KAT6A: variants seen among roughly 807,000 people sequenced by gnomAD.
The protein encoded by KAT6A is histone acetyltransferase KAT6A.
A neutral mutation model predicts 198.4 loss-of-function variants in KAT6A; 9 were observed. That is an observed-to-expected ratio of 0.05 (90% CI 0.03 to 0.08). The LOEUF is 0.08. Among genes scored for constraint, KAT6A ranks in the 10% least tolerant of loss-of-function variants. The pLI, the probability that KAT6A is intolerant of heterozygous loss-of-function variation, is 1.00. For synonymous variants in KAT6A, 890 were observed against 883.0 expected, an observed-to-expected ratio of 1.01 and a Z score of -0.14; for missense variants, 2,077 against 2,509.9, an observed-to-expected ratio of 0.83 and a Z score of 3.69.
At position 41,934,552 on chromosome 8, in the gene KAT6A, C is replaced by T; in HGVS notation, c.3668G>A (p.Arg1223Lys). ...TGCTTGCATCTCCTCCTCCTCCTTC[C>T]TCTCCTCGGGTAGGGGCATGTCTTC... ...PKEDMPLPEE[R>K]KEEEEMQAEA... Residue 1223 changes from arginine to lysine, a missense_variant, in exon 17 of 17, where the codon AGG (arginine) becomes AAG (lysine). Arg to Lys is a conservative substitution (Grantham distance 26). Around this residue, in one of 13 missense-constraint regions of KAT6A, gnomAD observed 375 missense variants for 383.0 expected, o/e 0.98. Coordinates refer to ENST00000265713, the MANE Select transcript of KAT6A (RefSeq NM_006766.5). 6.2e-7 allele frequency: 1 copy of T among 1,614,040 alleles called. No homozygotes were observed. The highest frequency in any genetic ancestry group is 8.5e-7 in the Non-Finnish European group (1 of 1,180,014).
intron 2 of KAT6A, among the ~76,000 whole-genome samples, chr8:41,990,269 G>GGACT (rs1387316122): frequency 6.6e-6 from 1 of 152,094 alleles, no homozygotes; most frequent in African/African-American, 2.4e-5. Flanking sequence ...GAGCAAAGAA[G>GGACT]GACTGTATTA....
intron 7 of KAT6A, 31 bp downstream of exon 7, chr8:41,976,977 A>G (rs775042713): frequency 2.0e-6 from 3 of 1,502,898 alleles, no homozygotes; most frequent in African/African-American, 2.8e-5. Context: ...ACAGAATACT[A>G]TTTGTTTCTA....
rs371326997 is a variant in KAT6A, at chr8:41,932,496, G to A, written c.5724C>T (p.Ala1908=). 1.2e-6 allele frequency: 2 copies of A among 1,614,246 alleles called. No individual in the cohort carries two copies. Among genetic ancestry groups the A allele is most frequent in the Non-Finnish European group, 1.7e-6 (2 of 1,180,038 alleles). The change falls in exon 17 of 17, where the codon GCC becomes GCT. Residue 1908 remains alanine (A), a synonymous_variant. Transcript: ENST00000265713. The part of the protein sequence containing the change: ...NMGVNLMPTP[A]YNVNSMNMNT... ...TCATATTCATGGAATTGACATTATA[G>A]GCGGGAGTAGGCATCAGATTAACCC... is the stretch of plus-strand genomic sequence containing the variant.
chr8:41,976,973 T>C, intron 7 of KAT6A, 35 bp downstream of exon 7: 4 of 1,473,406 alleles, frequency 2.7e-6, no homozygotes, highest in Non-Finnish European at 3.7e-6. Flanking sequence ...ATGTACAGAA[T>C]ACTATTTGTT....
intron 2 of KAT6A, among the ~76,000 whole-genome samples, chr8:42,032,691 G>T (rs539672377): frequency 9.9e-5 from 15 of 151,982 alleles, no homozygotes; most frequent in Non-Finnish European, 2.1e-4. Flanking sequence ...CGAATGCCAC[G>T]TTACTCTTAC....
chr8:42,015,574 G>A (rs1481335744), intron 2 of KAT6A, among the ~76,000 whole-genome samples: 2 of 152,072 alleles, frequency 1.3e-5, no homozygotes, highest in South Asian at 2.1e-4. Flanking sequence ...CTATACAGTC[G>A]TATAAATTTC....
intron 8 of KAT6A, among the ~76,000 whole-genome samples, chr8:41,956,009 T>C (rs943657856): frequency 6.6e-5 from 10 of 152,206 alleles, no homozygotes; most frequent in Non-Finnish European, 2.9e-5. Context: ...AGAAAGACAC[T>C]CTGTTATATA....
intron 2 of KAT6A, among the ~76,000 whole-genome samples, chr8:42,027,167 T>TTGGATTGTC (rs1826859950): frequency 6.6e-6 from 1 of 152,206 alleles, no homozygotes; most frequent in East Asian, 1.9e-4. Context: ...GCTGGATTGT[T>TTGGATTGTC]TGGATTGTCT....
intron 3 of KAT6A, among the ~76,000 whole-genome samples, chr8:41,986,604 C>T (rs889715568): frequency 3.3e-5 from 5 of 152,030 alleles, no homozygotes; most frequent in Admixed American, 1.3e-4. Context: ...AAAACTAAGA[C>T]CTGATTTAAA....
chr8:41,946,338 A>G (rs1263735586), intron 12 of KAT6A, among the ~76,000 whole-genome samples: 1 of 152,108 alleles, frequency 6.6e-6, no homozygotes, highest in African/African-American at 2.4e-5. Context: ...ACTGGGCTCA[A>G]GCAATCCTCC....
intron 12 of KAT6A, 53 bp downstream of exon 12, chr8:41,946,538 A>T (rs1822407283): frequency 1.1e-6 from 1 of 882,016 alleles, no homozygotes; most frequent in Non-Finnish European, 1.9e-6. Flanking sequence ...ACACACACAC[A>T]CACAGAGAAG....
intron 14 of KAT6A, chr8:41,942,439 C>A: frequency 3.1e-6 from 1 of 319,502 alleles, no homozygotes; most frequent in Non-Finnish European, 5.9e-6. Context: ...AAACACCACA[C>A]CCAACCTCCA....
chr8:42,019,424 C>T, intron 2 of KAT6A, among the ~76,000 whole-genome samples: 1 of 152,188 alleles, frequency 6.6e-6, no homozygotes, highest in Middle Eastern at 3.2e-3. Context: ...AACTGCACTG[C>T]AGGCAGGTCA....
chr8:41,934,826 C>A lies in KAT6A; in HGVS notation c.3394G>T (p.Asp1132Tyr). The A allele has an allele frequency of 6.2e-7, 1 of 1,612,660 alleles. No individual in the cohort carries two copies. The highest frequency in any genetic ancestry group is 8.5e-7 in the Non-Finnish European group (1 of 1,179,696). The change falls in exon 17 of 17, where the codon GAT becomes TAT. Residue 1132 changes from aspartate (D) to tyrosine (Y), a missense_variant. Around this residue, in one of 13 missense-constraint regions of KAT6A, gnomAD observed 375 missense variants for 383.0 expected, o/e 0.98. Coordinates refer to ENST00000265713, the MANE Select transcript of KAT6A (RefSeq NM_006766.5). ...GGCTCAAGAGGAGAATTCTTCACAT[C>A]ACGTTTTCGCAAAAGAGATACTGGC... ...LKPVSLLRKR[D>Y]VKNSPLEPDT...
rs952652143 is a variant in KAT6A at position 41,973,471 on chromosome 8, C to T, written c.1482+1233G>A. On this transcript the variant is annotated intron_variant, in intron 8 of 16. Transcript: ENST00000265713. Reference sequence around the variant, plus strand: ...CTGACCTCAAGTGATCCACCCGCCTCGGCCTCCCAATGTGCTGGGATTACA... The same window carrying T: ...CTGACCTCAAGTGATCCACCCGCCTTGGCCTCCCAATGTGCTGGGATTACA... 3.3e-5 allele frequency among the ~76,000 whole-genome samples: 5 copies of T among 152,106 alleles called. No individual in the cohort carries two copies. In the East Asian group the frequency reaches 5.8e-4, roughly 18 times the overall value.
At chr8:42,002,625 A>G (rs1825552697) in intron 2 of KAT6A, among the ~76,000 whole-genome samples, 1 of 152,154 alleles carries the variant, frequency 6.6e-6, no homozygotes, top group Non-Finnish European at 1.5e-5. Context: ...AACACAGACG[A>G]GTCCACAGCA....
chr8:41,979,166 G>C lies in KAT6A; in HGVS notation c.908-389C>G, dbSNP rs140264396. On this transcript the variant is annotated intron_variant, in intron 5 of 16. Transcript: ENST00000265713. ...GCCTGTAGTCCCAGCTACTCGGGAGGCTAAGGCAGGAGAATCGTTTGAACC... is the reference window on the plus strand; with the variant it reads ...GCCTGTAGTCCCAGCTACTCGGGAGCCTAAGGCAGGAGAATCGTTTGAACC... Among the ~76,000 whole-genome samples the C allele has an allele frequency of 1.4e-3, 217 of 152,242 alleles. 6 individuals carry two copies. The East Asian group carries it at 0.034, about 24-fold the overall frequency.
At chr8:42,045,835 A>G (rs961986538) in intron 2 of KAT6A, among the ~76,000 whole-genome samples, 1 of 150,398 alleles carries the variant, frequency 6.6e-6, no homozygotes, top group African/African-American at 2.4e-5. Context: ...AAAAAAAAAA[A>G]GTAGCCACAC....
intron 2 of KAT6A, among the ~76,000 whole-genome samples, chr8:41,989,320 C>A (rs1052987219): frequency 3.9e-5 from 6 of 152,022 alleles, no homozygotes; most frequent in Non-Finnish European, 2.9e-5. Context: ...ACCAGCATGG[C>A]CAACATGGTG....
Sources: allele counts gnomAD v4.1 joint callset (sites outside exome capture counted in the v4.1 genomes callset), GRCh38; gene constraint gnomAD v4.1.1; regional missense constraint gnomAD v4.1.1; transcripts MANE v1.5; gene names NCBI Gene and HGNC (gene_info 2026-07-23, HGNC 2026-07-21).